Variants in DTWD1 observed in about 807,000 individuals in gnomAD.
DTWD1 encodes the protein tRNA-uridine aminocarboxypropyltransferase 1.
DTWD1 carries 27 observed loss-of-function variants against 30.2 expected under a neutral mutation model. That is an observed-to-expected ratio of 0.90 (90% CI 0.66 to 1.23). The LOEUF is 1.23. DTWD1 is among the 50% of genes most tolerant of loss of function. The probability of loss-of-function intolerance (pLI) is 0.00; values close to 1 mark genes in which losing one functional copy is unlikely to be tolerated. For synonymous variants in DTWD1, 99 were observed against 113.1 expected, an observed-to-expected ratio of 0.88 and a Z score of 0.79; for missense variants, 342 against 348.8, an observed-to-expected ratio of 0.98 and a Z score of 0.15.
chr15:49,654,763 A>G lies in DTWD1; in HGVS notation c.*11185A>G, dbSNP rs1213635231. 6.6e-6 allele frequency: 1 copy of G among 152,106 alleles called. No individual in the cohort carries two copies. Among genetic ancestry groups the G allele is most frequent in the Non-Finnish European group, 1.5e-5 (1 of 68,010 alleles). 9.4% of individuals were successfully genotyped at this position (152,106 alleles called of 1,614,324 possible). A position where few individuals can be genotyped will look rare whatever the true frequency, so the allele number is the denominator to read the frequency against. On this transcript the variant is annotated 3_prime_UTR_variant, in exon 5 of 5. Transcript: ENST00000403028. ...GAACTGAGACGTCCCAGTCAATAGC[A>G]CTGCCTTAGTCAGTTGGAGCTACTG...
chr15:49,634,445 A>G lies in DTWD1; in HGVS notation c.409-91A>G, dbSNP rs1039036844. ...CTAATGCTTATTTCTCAGATATTCA[A>G]CATATCTTTCTTAAAATTTTAAGTC... is the stretch of plus-strand genomic sequence containing the variant. On this transcript the variant is annotated intron_variant, in intron 3 of 4. Transcript: ENST00000403028. The G allele has an allele frequency of 6.6e-6, 9 of 1,360,772 alleles. No individual in the cohort carries two copies. In the African/African-American group the frequency reaches 1.2e-4, roughly 18 times the overall value. 84.3% of individuals were successfully genotyped at this position (1,360,772 alleles called of 1,614,324 possible).
rs745491187 is a variant in DTWD1, at chr15:49,632,162, C to T, written c.268C>T (p.Pro90Ser). 1 of 1,561,518 alleles carries T rather than the reference C, an allele frequency of 6.4e-7. No homozygotes were observed. The highest frequency in any genetic ancestry group is 8.6e-7 in the Non-Finnish European group (1 of 1,163,482). The stretch of plus-strand genomic sequence containing the variant: ...TTTGTGCTTTTTTTACCTTTAGCTT[C>T]CATTGAAGATTGACATCATTAAACA... ...PIEQIPLVKLPLKIDIIKHPN... is the reference protein window; with the variant it reads ...PIEQIPLVKLSLKIDIIKHPN... The change falls in exon 3 of 5, where the codon CCA becomes TCA. Residue 90 changes from proline to serine, a missense_variant. Coordinates refer to ENST00000403028, the MANE Select transcript of DTWD1 (RefSeq NM_001144955.2).
At chr15:49,623,803 G>A (rs916915445) in intron 1 of DTWD1, 4 of 152,208 alleles carry the variant, frequency 2.6e-5, no homozygotes, top group African/African-American at 9.7e-5. Context: ...AGGCAGGTGA[G>A]TTGGAGTGGC....
Position 49,625,099 on chromosome 15 carries a change from CT to C in DTWD1, c.-55-5del, listed in dbSNP as rs577690587. The stretch of plus-strand genomic sequence containing the variant: ...GTTTTTATTTTTCCTTCTCTTGATA[CT>C]TTTTTTTTACAGTGCACCTATGATA... On this transcript the variant is annotated splice_polypyrimidine_tract_variant and intron_variant, in intron 1 of 4. Coordinates refer to ENST00000403028, the MANE Select transcript of DTWD1 (RefSeq NM_001144955.2). The C allele has an allele frequency of 8.2e-4, 1,137 of 1,383,140 alleles. No homozygotes were observed. The highest frequency in any genetic ancestry group is 9.4e-4 in the South Asian group (68 of 72,268). 85.7% of individuals were successfully genotyped at this position (1,383,140 alleles called of 1,614,324 possible). A position where few individuals can be genotyped will look rare whatever the true frequency, so the allele number is the denominator to read the frequency against.
chr15:49,635,579 G>A (rs1286828919), intron 4 of DTWD1, among the ~76,000 whole-genome samples: 1 of 151,980 alleles, frequency 6.6e-6, no homozygotes, highest in East Asian at 1.9e-4. Flanking sequence ...TGCAACCTCT[G>A]CCTCCTGGGG....
At chr15:49,642,032 A>G (rs1598667688) in intron 4 of DTWD1, among the ~76,000 whole-genome samples, 1 of 152,048 alleles carries the variant, frequency 6.6e-6, no homozygotes, top group Non-Finnish European at 1.5e-5. Context: ...CCTCTCTTCC[A>G]TTCTCTTTGT....
Position 49,648,120 on chromosome 15 carries a change from A to G in DTWD1, c.*4542A>G, listed in dbSNP as rs1318367678. 4 of 152,178 alleles carry G rather than the reference A, an allele frequency of 2.6e-5. No homozygotes were observed. Among genetic ancestry groups the G allele is most frequent in the Non-Finnish European group, 5.9e-5 (4 of 68,026 alleles). The allele number at this position is 152,178 out of a possible 1,614,324, so 9.4% of individuals were successfully genotyped here. On this transcript the variant is annotated 3_prime_UTR_variant, in exon 5 of 5. Transcript: ENST00000403028. Reference sequence around the variant, plus strand: ...CTATTACCCTTGGTTGTAAAGGAGAAGGTTGGAGATTATTTGTATACCAAC... The same window carrying G: ...CTATTACCCTTGGTTGTAAAGGAGAGGGTTGGAGATTATTTGTATACCAAC...
At chr15:49,643,263 C>T in intron 4 of DTWD1, 68 bp from the exon 5 acceptor site, 1 of 1,417,616 alleles carries the variant, frequency 7.1e-7, no homozygotes, top group Non-Finnish European at 9.3e-7. Context: ...TGTACCAAGC[C>T]TGTGGTTAAG....
chr15:49,632,561 A>G (rs1385604936), intron 3 of DTWD1, among the ~76,000 whole-genome samples: 1 of 152,106 alleles, frequency 6.6e-6, no homozygotes, highest in Non-Finnish European at 1.5e-5. Context: ...CTCCTTGCCA[A>G]TACTATTGTG....
At chr15:49,631,349 C>T (rs1015661484) in intron 2 of DTWD1, among the ~76,000 whole-genome samples, 3 of 152,010 alleles carry the variant, frequency 2.0e-5, no homozygotes, top group Admixed American at 1.3e-4. Context: ...AATGTGATGC[C>T]GAAAATCATG....
chr15:49,626,379 A>G (rs952859697), intron 2 of DTWD1, among the ~76,000 whole-genome samples: 2 of 152,144 alleles, frequency 1.3e-5, no homozygotes, highest in Non-Finnish European at 2.9e-5. Flanking sequence ...GGGCTGTGTT[A>G]TCATTAGAGT....
chr15:49,646,238 A>C lies in DTWD1; in HGVS notation c.*2660A>C, dbSNP rs1266878266. 35 of 152,328 alleles carry C rather than the reference A, an allele frequency of 2.3e-4. No homozygotes were observed. Among genetic ancestry groups the C allele is most frequent in the Non-Finnish European group, 2.9e-5 (2 of 68,030 alleles). 9.4% of individuals were successfully genotyped at this position (152,328 alleles called of 1,614,324 possible). On this transcript the variant is annotated 3_prime_UTR_variant, in exon 5 of 5. Transcript: ENST00000403028. ...ATCTAACTGACACCTACCTGATTCC[A>C]AACATGTGAGCAAGGAATGTCTATT...
Position 49,643,375 on chromosome 15 carries a change from C to T in DTWD1, c.712C>T (p.Arg238Cys), listed in dbSNP as rs766234751. 1.1e-5 allele frequency: 17 copies of T among 1,538,338 alleles called. No homozygotes were observed. The highest frequency in any genetic ancestry group is 6.1e-5 in the African/African-American group (4 of 65,828). Residue 238 changes from arginine to cysteine, a missense_variant, in exon 5 of 5, where the codon CGC becomes TGC. By Grantham distance (180) the Arg-to-Cys change is radical (BLOSUM62 -3). Coordinates refer to ENST00000403028, the MANE Select transcript of DTWD1 (RefSeq NM_001144955.2). ...ELKTRKTCFW[R>C]HQKGKPDTFL... ...GAAAACAAGAAAAACTTGCTTTTGGCGCCATCAAAAAGGAAAGCCAGATAC... is the reference window on the plus strand; with the variant it reads ...GAAAACAAGAAAAACTTGCTTTTGGTGCCATCAAAAAGGAAAGCCAGATAC...
Position 49,632,436 on chromosome 15 carries a change from C to T in DTWD1, c.408+134C>T, listed in dbSNP as rs1022207391. 2.0e-5 allele frequency: 16 copies of T among 819,544 alleles called. No individual in the cohort carries two copies. In the African/African-American group the frequency reaches 2.5e-4, roughly 13 times the overall value. The allele number at this position is 819,544 out of a possible 1,614,324, so 50.8% of individuals were successfully genotyped here. A position where few individuals can be genotyped will look rare whatever the true frequency, so the allele number is the denominator to read the frequency against. On this transcript the variant is annotated intron_variant, in intron 3 of 4. Coordinates refer to ENST00000403028, the MANE Select transcript of DTWD1 (RefSeq NM_001144955.2). ...AGTATTATGCTCAGGTAATGTTAGA[C>T]AATATACAGTTTATTTCATTGATAT...
At position 49,656,060 on chromosome 15, in the gene DTWD1, G is replaced by T. The variant is rs906251652; in HGVS notation, c.*12482G>T. On this transcript the variant is annotated 3_prime_UTR_variant, in exon 5 of 5. Coordinates refer to ENST00000403028, the MANE Select transcript of DTWD1 (RefSeq NM_001144955.2). ...ACAAGCATCAATGAATATTTAATGA[G>T]CAGCTGTTAATTTCTGAAGCAGAAA... is the stretch of plus-strand genomic sequence containing the variant. 4 of 151,996 alleles carry T rather than the reference G, an allele frequency of 2.6e-5. No homozygotes were observed. Among genetic ancestry groups the T allele is most frequent in the African/African-American group, 9.7e-5 (4 of 41,406 alleles). 9.4% of individuals were successfully genotyped at this position (151,996 alleles called of 1,614,324 possible).
At chr15:49,635,799 T>TA (rs1264526375) in intron 4 of DTWD1, among the ~76,000 whole-genome samples, 1 of 152,152 alleles carries the variant, frequency 6.6e-6, no homozygotes, top group Non-Finnish European at 1.5e-5. Flanking sequence ...CAGCCTTCCT[T>TA]ACAGTTTTTA....
intron 4 of DTWD1, 24 bp from the exon 5 acceptor site, chr15:49,643,306 CT>C (rs5812490): frequency 0.16 from 182,695 of 1,144,070 alleles, 20 homozygotes; most frequent in Non-Finnish European, 0.17. Context: ...TTCTTTCTTT[CT>C]TTTTTTTTTT....
At chr15:49,639,629 G>T (rs569210353) in intron 4 of DTWD1, among the ~76,000 whole-genome samples, 2 of 152,144 alleles carry the variant, frequency 1.3e-5, no homozygotes, top group South Asian at 2.1e-4. Flanking sequence ...AAATACTAGG[G>T]TATAAAAAAT....
intron 2 of DTWD1, chr15:49,629,783 CTT>C (rs2078894134): frequency 6.6e-6 from 1 of 152,142 alleles, no homozygotes; most frequent in Non-Finnish European, 1.5e-5. Context: ...TTGGGCCTAA[CTT>C]ATAAATGATC....
Sources: gnomAD v4.1 joint callset for allele counts (sites outside exome capture counted in the v4.1 genomes callset) on GRCh38, gnomAD v4.1.1 for gene constraint, MANE v1.5 for transcripts, NCBI Gene and HGNC (gene_info 2026-07-23, HGNC 2026-07-21) for gene names.